FRMPD4: variants seen among roughly 807,000 people sequenced by gnomAD.
FRMPD4 encodes the protein FERM and PDZ domain-containing protein 4.
FRMPD4 carries 22 observed loss-of-function variants against 94.1 expected under a neutral mutation model. The observed-to-expected ratio is 0.23, with a 90% CI of 0.17 to 0.33. The LOEUF is 0.33. Among genes scored for constraint, FRMPD4 ranks in the 10% least tolerant of loss-of-function variants. The pLI, the probability that FRMPD4 is intolerant of heterozygous loss-of-function variation, is 1.00. For missense variants in FRMPD4, 1,111 were observed against 1,339.9 expected, an observed-to-expected ratio of 0.83 and a Z score of 2.67; for synonymous variants, 631 against 548.6, an observed-to-expected ratio of 1.15 and a Z score of -2.10.
In FRMPD4 at chrX:12,721,840, G is replaced by A. The variant is rs1366838454; in HGVS notation, c.5271G>A (p.Lys1757=). Residue 1757 remains lysine, a synonymous_variant, in exon 17 of 17, where the codon AAG becomes AAA. Transcript: ENST00000675598. The part of the protein sequence containing the change: ...ALVSTLTRSL[K]RLLNK ...TAAGCACACTGACACGTTCTCTCAA[G>A]AGGCTTTTAAACAAATAAATATGGA... 1 of 752,856 alleles carries A rather than the reference G, an allele frequency of 1.3e-6. No homozygotes were observed. The highest frequency in any genetic ancestry group is 2.3e-5 in the African/African-American group (1 of 43,127). The allele number at this position is 752,856 out of a possible 1,213,427, so 62.0% of individuals were successfully genotyped here.
At chrX:12,343,108 A>G (rs2055642781) in intron 1 of FRMPD4, among the ~76,000 whole-genome samples, 3 of 112,051 alleles carry the variant, frequency 2.7e-5, no homozygotes, top group African/African-American at 6.5e-5. Context: ...GGGAGAAGAG[A>G]CCAGCTGAGG....
intron 1 of FRMPD4, among the ~76,000 whole-genome samples, chrX:11,824,889 C>A (rs2053432535): frequency 9.3e-6 from 1 of 108,069 alleles, no homozygotes; most frequent in Admixed American, 1.0e-4. Context: ...GTAAACCAGG[C>A]TCTAAATGCA....
At chrX:12,311,748 G>A (rs145929464) in intron 1 of FRMPD4, among the ~76,000 whole-genome samples, 3,198 of 110,053 alleles carry the variant, frequency 0.029, 101 homozygotes, top group African/African-American at 0.096. Flanking sequence ...TGTAACTTCC[G>A]TTGTTGCTGA....
chrX:12,426,793 A>G (rs2056949974), intron 1 of FRMPD4, among the ~76,000 whole-genome samples: 1 of 110,970 alleles, frequency 9.0e-6, no homozygotes, highest in African/African-American at 3.3e-5. Flanking sequence ...CTTAGCTTCT[A>G]CTCTTCTAGC....
chrX:12,411,626 A>G (rs960780713), intron 1 of FRMPD4, among the ~76,000 whole-genome samples: 1 of 112,264 alleles, frequency 8.9e-6, no homozygotes, highest in African/African-American at 3.2e-5. Context: ...TCCTGTTGTT[A>G]AAGATGCTAA....
chrX:12,627,358 A>G (rs2059356574), intron 4 of FRMPD4, among the ~76,000 whole-genome samples: 1 of 112,420 alleles, frequency 8.9e-6, no homozygotes. Context: ...GATGTGTAAT[A>G]TAATAAGGCC....
At chrX:12,479,423 C>CACATATATATACATATATAT (rs1555971385) in intron 1 of FRMPD4, among the ~76,000 whole-genome samples, 3 of 25,890 alleles carry the variant, frequency 1.2e-4, no homozygotes, top group Admixed American at 5.0e-4. Context: ...TACATATATA[C>CACATATATATACATATATAT]GTATATATAT....
At chrX:12,022,487 C>G (rs757417902) in intron 3 of FRMPD4, among the ~76,000 whole-genome samples, 1 of 112,213 alleles carries the variant, frequency 8.9e-6, no homozygotes, top group East Asian at 2.8e-4. Flanking sequence ...CCAGGAGCAG[C>G]TCACTCCTAG....
At position 12,658,561 on chromosome X, in the gene FRMPD4, C is replaced by G. The variant is rs910382189; in HGVS notation, c.423-16302C>G. 4.5e-5 allele frequency among the ~76,000 whole-genome samples: 5 copies of G among 112,126 alleles called. No homozygotes were observed. The Admixed American group carries it at 4.7e-4, about 11-fold the overall frequency. On this transcript the variant is annotated intron_variant, in intron 4 of 16. Transcript: ENST00000675598. ...CTCAATAACCACCCTGTCATTTGTT[C>G]TAAACCATGGCTGGATGGCCCATCA...
chrX:11,844,153 A>ATTT (rs35079439), intron 1 of FRMPD4, among the ~76,000 whole-genome samples: 140 of 91,163 alleles, frequency 1.5e-3, no homozygotes, highest in Non-Finnish European at 2.5e-3. Flanking sequence ...ACACCCAGCT[A>ATTT]TTTTTTTTTT....
intron 1 of FRMPD4, among the ~76,000 whole-genome samples, chrX:12,349,122 A>G (rs1376275326): frequency 9.0e-6 from 1 of 111,418 alleles, no homozygotes; most frequent in Non-Finnish European, 1.9e-5. Flanking sequence ...GGTAAGGTTG[A>G]AGCAGGAGTC....
At chrX:12,479,319 T>C (rs1004907464) in intron 1 of FRMPD4, among the ~76,000 whole-genome samples, 4 of 105,467 alleles carry the variant, frequency 3.8e-5, no homozygotes, top group Non-Finnish European at 7.7e-5. Flanking sequence ...CCTGGACCTA[T>C]TGTGATGTAA....
chrX:12,000,979 A>G (rs1472802054), intron 3 of FRMPD4, among the ~76,000 whole-genome samples: 1 of 112,104 alleles, frequency 8.9e-6, no homozygotes, highest in Non-Finnish European at 1.9e-5. Context: ...GTCTTTATTT[A>G]TCTTGTCCAG....
At chrX:12,408,295 C>G (rs2056691104) in intron 1 of FRMPD4, among the ~76,000 whole-genome samples, 1 of 107,479 alleles carries the variant, frequency 9.3e-6, no homozygotes, top group South Asian at 4.2e-4. Flanking sequence ...TGGTTCCATC[C>G]AAGATGGAGC....
intron 1 of FRMPD4, among the ~76,000 whole-genome samples, chrX:12,156,203 T>C (rs1267771205): frequency 1.8e-5 from 2 of 111,655 alleles, no homozygotes; most frequent in Non-Finnish European, 3.8e-5. Context: ...TGAAAAGTTG[T>C]CCCTCTCAAA....
intron 3 of FRMPD4, among the ~76,000 whole-genome samples, chrX:12,024,440 C>G (rs1359171341): frequency 1.8e-5 from 2 of 111,900 alleles, no homozygotes; most frequent in African/African-American, 6.5e-5. Flanking sequence ...TTAACTTACT[C>G]CACTTAAAGC....
At chrX:12,451,603 T>C (rs919237001) in intron 1 of FRMPD4, among the ~76,000 whole-genome samples, 3 of 111,944 alleles carry the variant, frequency 2.7e-5, no homozygotes, top group African/African-American at 9.7e-5. Flanking sequence ...TCTTTGCTTG[T>C]ATTTGTCTCA....
At chrX:12,536,101 A>G (rs1434866514) in intron 2 of FRMPD4, among the ~76,000 whole-genome samples, 9 of 107,115 alleles carry the variant, frequency 8.4e-5, no homozygotes. Flanking sequence ...TATATATAAT[A>G]CAACTGGTTT....
chrX:12,218,220 C>T (rs1451449752), intron 1 of FRMPD4, among the ~76,000 whole-genome samples: 1 of 111,830 alleles, frequency 8.9e-6, no homozygotes, highest in East Asian at 2.8e-4. Flanking sequence ...GATTAATATC[C>T]TATTAATGTA....
Sources: allele counts gnomAD v4.1 joint callset (sites outside exome capture counted in the v4.1 genomes callset), GRCh38; gene constraint gnomAD v4.1.1; transcripts MANE v1.5; gene names NCBI Gene and HGNC (gene_info 2026-07-23, HGNC 2026-07-21).